Variants in PECR observed in about 807,000 individuals in gnomAD.
PECR encodes peroxisomal trans-2-enoyl-CoA reductase, also known as 2,4-dienoyl-CoA reductase-related protein.
Under a neutral mutation model 35.3 loss-of-function variants are expected in PECR, and 30 were observed. That is an observed-to-expected ratio of 0.85 (90% CI 0.64 to 1.15). The LOEUF is 1.15. Among genes scored for constraint, PECR ranks in the 50% most tolerant of loss-of-function variants. The pLI is 0.00. For missense variants in PECR, 392 were observed against 370.8 expected (o/e 1.06, Z -0.47); for synonymous variants, 148 against 138.9 (o/e 1.07, Z -0.46).
intron 4 of PECR, among the ~76,000 whole-genome samples, chr2:216,054,450 C>G (rs190260262): frequency 4.8e-5 from 7 of 146,088 alleles, no homozygotes; most frequent in Admixed American, 2.1e-4. Context: ...ATTCTCATAC[C>G]TCAGCCCCCC....
intron 1 of PECR, among the ~76,000 whole-genome samples, chr2:216,071,720 G>A (rs376051680): frequency 4.6e-5 from 7 of 152,082 alleles, no homozygotes; most frequent in South Asian, 2.1e-4. Context: ...CTACAGTAAC[G>A]CCCTGCAAGT....
rs568621134 is a variant in PECR, at chr2:216,067,594, G to A, written c.125-1076C>T. ...TTTTTTTGAGACGGAGTCTCACTCT[G>A]TCGCCAGACTGGGGTGCAGTGGCAT... On this transcript the variant is annotated intron_variant, in intron 1 of 7. Transcript: ENST00000265322. Among the ~76,000 whole-genome samples the A allele has an allele frequency of 4.0e-5, 6 of 148,948 alleles. No individual in the cohort carries two copies. In the East Asian group the frequency reaches 7.9e-4, roughly 20 times the overall value.
chr2:216,039,421 A>T (rs1694851081), intron 7 of PECR, 61 bp from the exon 8 acceptor site: 3 of 895,620 alleles, frequency 3.3e-6, no homozygotes, highest in Admixed American at 1.7e-5. Flanking sequence ...CTTCACTCCC[A>T]CCAAATCCTC....
chr2:216,081,745 T>C lies in PECR; in HGVS notation c.-4A>G. On this transcript the variant is annotated 5_prime_UTR_variant, in exon 1 of 8. Coordinates refer to ENST00000265322, the MANE Select transcript of PECR (RefSeq NM_018441.6). ...TGCCCTTAGCCCAGGAGGCCATCCC[T>C]GCAGCGGGGTGCCAGAGCAGCTGAG... The C allele has an allele frequency of 6.2e-7, 1 of 1,612,662 alleles. No individual in the cohort carries two copies. Among genetic ancestry groups the C allele is most frequent in the East Asian group, 2.2e-5 (1 of 44,858 alleles).
Position 216,039,071 on chromosome 2 carries a change from C to T in PECR, c.*204G>A, listed in dbSNP as rs1694844678. Reference sequence around the variant, plus strand: ...AATATGTTAATTTCTGTTACTTATACATTTTTAAATCATAGGTTAAAAGAC... The same window carrying T: ...AATATGTTAATTTCTGTTACTTATATATTTTTAAATCATAGGTTAAAAGAC... On this transcript the variant is annotated 3_prime_UTR_variant, in exon 8 of 8. Coordinates refer to ENST00000265322, the MANE Select transcript of PECR (RefSeq NM_018441.6). The T allele has an allele frequency of 2.3e-6, 1 of 433,884 alleles. No homozygotes were observed. Among genetic ancestry groups the T allele is most frequent in the Non-Finnish European group, 4.2e-6 (1 of 240,392 alleles). 26.9% of individuals were successfully genotyped at this position (433,884 alleles called of 1,614,324 possible).
intron 2 of PECR, 64 bp from the exon 3 acceptor site, chr2:216,065,541 T>C: frequency 1.0e-6 from 1 of 956,402 alleles, no homozygotes; most frequent in Non-Finnish European, 1.7e-6. Context: ...CTACCTCGCC[T>C]GATTGATTGC....
downstream of PECR, among the ~76,000 whole-genome samples, chr2:216,035,009 A>G (rs1694770840): frequency 6.6e-6 from 1 of 152,182 alleles, no homozygotes; most frequent in East Asian, 1.9e-4. Context: ...TTCCTGCAAC[A>G]CAGATCATTG....
At chr2:216,048,857 A>C (rs958022991) in intron 6 of PECR, among the ~76,000 whole-genome samples, 1 of 151,742 alleles carries the variant, frequency 6.6e-6, no homozygotes, top group Non-Finnish European at 1.5e-5. Context: ...AAAAAAAAAA[A>C]AAAAAAAAAC....
At chr2:216,077,048 C>G (rs1225560168) in intron 1 of PECR, among the ~76,000 whole-genome samples, 1 of 151,434 alleles carries the variant, frequency 6.6e-6, no homozygotes, top group East Asian at 2.0e-4. Context: ...TACACGCACG[C>G]ACCACCTCGC....
chr2:216,045,326 A>C (rs1694970164), intron 6 of PECR, among the ~76,000 whole-genome samples: 1 of 152,236 alleles, frequency 6.6e-6, no homozygotes, highest in Admixed American at 6.5e-5. Flanking sequence ...AAACACTTTC[A>C]GTATGACTGG....
At chr2:216,044,162 C>T in intron 6 of PECR, 147 bp from the exon 7 acceptor site, 1 of 662,944 alleles carries the variant, frequency 1.5e-6, no homozygotes, top group East Asian at 2.9e-5. Context: ...CCTCACAGTA[C>T]ATAGACAACT....
chr2:216,068,849 T>G (rs1458297488), intron 1 of PECR, among the ~76,000 whole-genome samples: 1 of 148,220 alleles, frequency 6.7e-6, no homozygotes, highest in East Asian at 2.0e-4. Context: ...ATGAGGTCTA[T>G]GTTGCAGAAA....
chr2:216,059,061 GAT>G (rs1559213692), intron 3 of PECR, 85 bp from the exon 4 acceptor site: 2 of 821,540 alleles, frequency 2.4e-6, no homozygotes, highest in East Asian at 2.5e-5. Flanking sequence ...CTGCCTGTTT[GAT>G]ATGTTTTACA....
At chr2:216,079,982 A>C (rs1431118812) in intron 1 of PECR, among the ~76,000 whole-genome samples, 1 of 130,496 alleles carries the variant, frequency 7.7e-6, no homozygotes, top group Non-Finnish European at 1.7e-5. Context: ...ACTCCATCTC[A>C]AAAAAAAAAA....
At chr2:216,042,036 C>T (rs1694895992) in intron 7 of PECR, among the ~76,000 whole-genome samples, 2 of 152,204 alleles carry the variant, frequency 1.3e-5, no homozygotes. Flanking sequence ...ATTACTCCAA[C>T]CCAAAGAGGG....
downstream of PECR, among the ~76,000 whole-genome samples, chr2:216,035,393 G>A (rs1694777085): frequency 6.6e-6 from 1 of 152,084 alleles, no homozygotes. Flanking sequence ...CACCAGCAGA[G>A]CACCACAGTG....
In PECR at chr2:216,071,099, C is replaced by A. The variant is rs373649232; in HGVS notation, c.125-4581G>T. 2.1e-4 allele frequency among the ~76,000 whole-genome samples: 32 copies of A among 152,270 alleles called. No homozygotes were observed. The East Asian group carries it at 6.0e-3, about 28-fold the overall frequency. On this transcript the variant is annotated intron_variant, in intron 1 of 7. Coordinates refer to ENST00000265322, the MANE Select transcript of PECR (RefSeq NM_018441.6). ...TCGCATTCAGCTCATACTGGGGGAACCGGGCCCATGGTTGGGATCCATGGG... is the reference window on the plus strand; with the variant it reads ...TCGCATTCAGCTCATACTGGGGGAAACGGGCCCATGGTTGGGATCCATGGG...
chr2:216,053,100 C>T (rs546495394), intron 4 of PECR, among the ~76,000 whole-genome samples: 124 of 152,150 alleles, frequency 8.1e-4, no homozygotes, highest in Non-Finnish European at 1.4e-3. Flanking sequence ...ATGATCTGCC[C>T]GCCTCAGCCT....
At chr2:216,073,641 TTA>T (rs1435104000) in intron 1 of PECR, among the ~76,000 whole-genome samples, 2 of 151,866 alleles carry the variant, frequency 1.3e-5, no homozygotes, top group African/African-American at 4.8e-5. Flanking sequence ...TTGTATGTTT[TTA>T]TATAATTTTA....
Sources: allele counts gnomAD v4.1 joint callset (sites outside exome capture counted in the v4.1 genomes callset), GRCh38; gene constraint gnomAD v4.1.1; transcripts MANE v1.5; gene names NCBI Gene and HGNC (gene_info 2026-07-23, HGNC 2026-07-21).